Variants in CRTC3 observed in about 807,000 individuals in gnomAD.
The protein encoded by CRTC3 is CREB regulated transcription coactivator 3.
CRTC3 carries 26 observed loss-of-function variants against 74.5 expected under a neutral mutation model. The ratio of observed to expected loss-of-function variants is 0.35; its 90% confidence interval spans 0.26 to 0.48. CRTC3 has a LOEUF of 0.48. Among genes scored for constraint, CRTC3 ranks in the 20% least tolerant of loss-of-function variants. The pLI, the probability that CRTC3 is intolerant of heterozygous loss-of-function variation, is 0.99. For missense variants in CRTC3, 760 were observed against 787.3 expected, an observed-to-expected ratio of 0.97 and a Z score of 0.41; for synonymous variants, 377 against 325.8, an observed-to-expected ratio of 1.16 and a Z score of -1.69.
chr15:90,634,959 A>C (rs1025628277), intron 11 of CRTC3: 16 of 1,535,710 alleles, frequency 1.0e-5, no homozygotes, highest in Non-Finnish European at 1.4e-5. Context: ...ATATGGAGGC[A>C]CCAAAGTAGT....
At chr15:90,611,109 G>T (rs962010906) in intron 6 of CRTC3, among the ~76,000 whole-genome samples, 1 of 152,182 alleles carries the variant, frequency 6.6e-6, no homozygotes, top group African/African-American at 2.4e-5. Context: ...GCAGGTACAA[G>T]CATCCCAGAT....
chr15:90,640,981 A>G (rs1969418502), intron 13 of CRTC3, 116 bp from the exon 14 acceptor site: 1 of 696,550 alleles, frequency 1.4e-6, no homozygotes, highest in Admixed American at 2.2e-5. Flanking sequence ...TCCTGGAAAG[A>G]AGGGAATATG....
At chr15:90,620,162 G>A (rs1009897729) in intron 9 of CRTC3, 1 of 234,306 alleles carries the variant, frequency 4.3e-6, no homozygotes, top group East Asian at 1.3e-4. Context: ...TCCTGGCCAG[G>A]GGAAAAGGGA....
Position 90,634,844 on chromosome 15 carries a change from AG to A in CRTC3, c.1267-3601del, listed in dbSNP as rs1418359338. 30 of 1,536,644 alleles carry A rather than the reference AG, an allele frequency of 2.0e-5. No homozygotes were observed. In the African/African-American group the frequency reaches 3.7e-4, roughly 19 times the overall value. Reference sequence around the variant, plus strand: ...TGCTTCCAGAAAAATCTCAAGGAAAAGTATTGCAAGCAACAGTAGTCACTGT... The same window carrying A: ...TGCTTCCAGAAAAATCTCAAGGAAAATATTGCAAGCAACAGTAGTCACTGT... On this transcript the variant is annotated intron_variant, in intron 11 of 14. Transcript: ENST00000268184.
At chr15:90,612,630 C>T (rs1968391274) in intron 6 of CRTC3, among the ~76,000 whole-genome samples, 1 of 151,846 alleles carries the variant, frequency 6.6e-6, no homozygotes, top group Non-Finnish European at 1.5e-5. Flanking sequence ...CTATATAAAA[C>T]CTAGTTTTTA....
chr15:90,622,007 G>A (rs770512225), intron 9 of CRTC3, among the ~76,000 whole-genome samples: 1 of 152,140 alleles, frequency 6.6e-6, no homozygotes, highest in Non-Finnish European at 1.5e-5. Context: ...TGAAGGAGAC[G>A]CAACTGTGGC....
At chr15:90,576,225 G>A (rs1231620172) in intron 2 of CRTC3, among the ~76,000 whole-genome samples, 1 of 152,040 alleles carries the variant, frequency 6.6e-6, no homozygotes, top group East Asian at 1.9e-4. Flanking sequence ...GCAACACAAT[G>A]AGACTCCATC....
intron 2 of CRTC3, among the ~76,000 whole-genome samples, chr15:90,592,841 T>C (rs532218838): frequency 6.6e-6 from 1 of 152,256 alleles, no homozygotes; most frequent in African/African-American, 2.4e-5. Flanking sequence ...TGAGTGCGGC[T>C]CATTGTGGCC....
chr15:90,605,654 G>A (rs902548657), intron 5 of CRTC3, among the ~76,000 whole-genome samples: 2 of 152,068 alleles, frequency 1.3e-5, no homozygotes, highest in Non-Finnish European at 2.9e-5. Context: ...TGATCTCAGC[G>A]GCCACGCTCT....
intron 2 of CRTC3, among the ~76,000 whole-genome samples, chr15:90,572,764 C>T (rs570267643): frequency 4.9e-4 from 75 of 152,114 alleles, no homozygotes; most frequent in Non-Finnish European, 8.8e-4. Flanking sequence ...TTAGTAGAGA[C>T]GGGGTTTCAC....
intron 1 of CRTC3, among the ~76,000 whole-genome samples, chr15:90,533,673 A>G (rs1966671130): frequency 6.6e-6 from 1 of 152,164 alleles, no homozygotes; most frequent in Admixed American, 6.6e-5. Context: ...CACTGGGTAT[A>G]TAGTAATGAG....
At chr15:90,549,826 C>T (rs1227547155) in intron 2 of CRTC3, among the ~76,000 whole-genome samples, 1 of 151,176 alleles carries the variant, frequency 6.6e-6, no homozygotes, top group African/African-American at 2.4e-5. Context: ...CCTCAGCCTC[C>T]TGAGTAGCTG....
intron 1 of CRTC3, among the ~76,000 whole-genome samples, chr15:90,539,457 G>A (rs1457991633): frequency 1.3e-5 from 2 of 152,066 alleles, no homozygotes; most frequent in African/African-American, 2.4e-5. Context: ...GGCAGTATAC[G>A]TTGAGAGCCA....
intron 2 of CRTC3, among the ~76,000 whole-genome samples, chr15:90,578,403 G>A (rs999655376): frequency 2.0e-5 from 3 of 151,816 alleles, no homozygotes; most frequent in African/African-American, 7.3e-5. Flanking sequence ...AAAAATTAGC[G>A]AGGCGTGGTG....
chr15:90,623,233 T>C (rs1482155316), intron 9 of CRTC3, among the ~76,000 whole-genome samples: 6 of 152,190 alleles, frequency 3.9e-5, no homozygotes, highest in Non-Finnish European at 8.8e-5. Context: ...GCATATTTAC[T>C]CTCAGGTGTT....
At chr15:90,634,475 A>C (rs995817434) in intron 11 of CRTC3, among the ~76,000 whole-genome samples, 2 of 152,298 alleles carry the variant, frequency 1.3e-5, no homozygotes, top group Admixed American at 6.5e-5. Flanking sequence ...ATGTATCTCT[A>C]ATAGATAAGG....
chr15:90,631,649 A>G (rs1969041631), intron 11 of CRTC3, among the ~76,000 whole-genome samples: 1 of 149,164 alleles, frequency 6.7e-6, no homozygotes, highest in Non-Finnish European at 1.5e-5. Flanking sequence ...AATTGCTTGC[A>G]CCCTGGAGGT....
In CRTC3 at chr15:90,629,526, C is replaced by G; in HGVS notation, c.1260C>G (p.Thr420=). The part of the protein sequence containing the change: ...SSTSPLAPYP[T]SQMVSSDRSQ... ...CCAGCCCACTGGCCCCATATCCTAC[C>G]TCCCAGGTAAACACACACAGACAGA... The change falls in exon 11 of 15, where the codon ACC becomes ACG. Residue 420 remains threonine (T), a synonymous_variant. Coordinates refer to ENST00000268184, the MANE Select transcript of CRTC3 (RefSeq NM_022769.5). 1 of 1,613,962 alleles carries G rather than the reference C, an allele frequency of 6.2e-7. No individual in the cohort carries two copies. The highest frequency in any genetic ancestry group is 8.5e-7 in the Non-Finnish European group (1 of 1,179,870).
chr15:90,631,164 G>T (rs1381490877), intron 11 of CRTC3, among the ~76,000 whole-genome samples: 1 of 152,194 alleles, frequency 6.6e-6, no homozygotes, highest in Non-Finnish European at 1.5e-5. Context: ...AGAGTTAGAG[G>T]ATCTTGTTAT....
Sources: allele counts gnomAD v4.1 joint callset (sites outside exome capture counted in the v4.1 genomes callset), GRCh38; gene constraint gnomAD v4.1.1; transcripts MANE v1.5; gene names NCBI Gene and HGNC (gene_info 2026-07-23, HGNC 2026-07-21).